Variants in FBXW7 observed in about 807,000 individuals in gnomAD.
FBXW7 encodes F-box and WD repeat domain containing 7.
FBXW7 carries 11 observed loss-of-function variants against 86.3 expected under a neutral mutation model. The observed-to-expected ratio is 0.13, with a 90% CI of 0.08 to 0.21. The LOEUF (loss-of-function observed/expected upper bound fraction) is 0.21, where lower values mean the gene tolerates loss of function less well. FBXW7 is among the 10% of genes least tolerant of loss of function. FBXW7 has a pLI of 1.00. For synonymous variants in FBXW7, 313 were observed against 297.9 expected (o/e 1.05, Z -0.52); for missense variants, 488 against 847.4 (o/e 0.58, Z 5.27).
intron 4 of FBXW7, among the ~76,000 whole-genome samples, chr4:152,403,966 T>C (rs1051962651): frequency 4.6e-5 from 7 of 152,184 alleles, no homozygotes; most frequent in African/African-American, 1.7e-4. Context: ...ATAAATATCT[T>C]CAAAACAAGA....
intron 2 of FBXW7, among the ~76,000 whole-genome samples, chr4:152,453,958 A>G (rs1332085954): frequency 1.3e-5 from 2 of 152,118 alleles, no homozygotes; most frequent in Non-Finnish European, 2.9e-5. Context: ...TTTCCAAGGT[A>G]TTTTAAAGTA....
chr4:152,393,662 T>G (rs1736179533), intron 4 of FBXW7, among the ~76,000 whole-genome samples: 1 of 152,148 alleles, frequency 6.6e-6, no homozygotes. Flanking sequence ...AGCAAATGAA[T>G]AACTGTTGGC....
intron 4 of FBXW7, among the ~76,000 whole-genome samples, chr4:152,361,575 C>A (rs1732945275): frequency 6.6e-6 from 1 of 152,190 alleles, no homozygotes; most frequent in Non-Finnish European, 1.5e-5. Context: ...ATCTTCTCAA[C>A]ATTCTCATAG....
intron 2 of FBXW7, among the ~76,000 whole-genome samples, chr4:152,461,298 A>G (rs1742921712): frequency 1.3e-5 from 2 of 152,130 alleles, no homozygotes; most frequent in Admixed American, 1.3e-4. Context: ...CATTCCAGTT[A>G]CTGATCTCAA....
In FBXW7 at chr4:152,516,766, T is replaced by G. The variant is rs141268601; in HGVS notation, c.-120+18175A>C. Among the ~76,000 whole-genome samples, 40 of 152,344 alleles carry G rather than the reference T, an allele frequency of 2.6e-4. No individual in the cohort carries two copies. The East Asian group carries it at 7.7e-3, about 29-fold the overall frequency. ...TAAAGAAAGTGTAACTTCTAAGAAT[T>G]TATTTCTTCCACCAAGTAGGCACAC... On this transcript the variant is annotated intron_variant, in intron 2 of 13. Coordinates refer to ENST00000281708, the MANE Select transcript of FBXW7 (RefSeq NM_001349798.2).
In FBXW7 at chr4:152,411,680, G is replaced by C. The variant is rs765487207; in HGVS notation, c.124C>G (p.Gln42Glu). The change falls in exon 4 of 14, where the codon CAA becomes GAA. Residue 42 changes from glutamine to glutamate, a missense_variant. Physicochemically the swap from Gln to Glu is conservative, Grantham distance 29 (BLOSUM62 2). This residue lies in a region of FBXW7 where 230 missense variants were observed against 240.0 expected (regional missense o/e 0.96). Transcript: ENST00000281708. ...QMNRVVEEEQ[Q>E]QQLRQQEEEH... Reference sequence around the variant, plus strand: ...TCCTCTTGTTGTCTGAGTTGCTGTTGCTGTTCCTCCTCTACCACACGATTC... The same window carrying C: ...TCCTCTTGTTGTCTGAGTTGCTGTTCCTGTTCCTCCTCTACCACACGATTC... 6.2e-7 allele frequency: 1 copy of C among 1,613,834 alleles called. No individual in the cohort carries two copies. Among genetic ancestry groups the C allele is most frequent in the Non-Finnish European group, 8.5e-7 (1 of 1,179,860 alleles).
At chr4:152,469,481 A>C (rs1050945034) in intron 2 of FBXW7, among the ~76,000 whole-genome samples, 6 of 152,118 alleles carry the variant, frequency 3.9e-5, no homozygotes, top group African/African-American at 1.4e-4. Flanking sequence ...AACAAAGAAT[A>C]ATCTAAACAG....
At chr4:152,354,662 T>C (rs1328347684) in intron 4 of FBXW7, among the ~76,000 whole-genome samples, 1 of 152,130 alleles carries the variant, frequency 6.6e-6, no homozygotes, top group African/African-American at 2.4e-5. Flanking sequence ...TCTCAAAACC[T>C]AAAGAAAATA....
At chr4:152,437,621 G>A (rs1740498486) in intron 2 of FBXW7, among the ~76,000 whole-genome samples, 1 of 152,196 alleles carries the variant, frequency 6.6e-6, no homozygotes, top group Non-Finnish European at 1.5e-5. Flanking sequence ...TGAAAGGATT[G>A]CCTCCAGTTT....
At position 152,320,900 on chromosome 4, in the gene FBXW7, C is replaced by T. The variant is rs577803482; in HGVS notation, c.*1981G>A. On this transcript the variant is annotated 3_prime_UTR_variant, in exon 14 of 14. Transcript: ENST00000281708. The stretch of plus-strand genomic sequence containing the variant: ...GAACAGAAAGTATCGAGGGTAAGCA[C>T]TTAATATGTGGTCAAAATTTCAAAA... The T allele has an allele frequency of 1.3e-5, 2 of 152,212 alleles. No individual in the cohort carries two copies. Among genetic ancestry groups the T allele is most frequent in the African/African-American group, 2.4e-5 (1 of 41,408 alleles). 9.4% of individuals were successfully genotyped at this position (152,212 alleles called of 1,614,324 possible).
intron 4 of FBXW7, among the ~76,000 whole-genome samples, chr4:152,381,290 T>A (rs953629036): frequency 2.6e-5 from 4 of 152,044 alleles, no homozygotes; most frequent in African/African-American, 9.7e-5. Context: ...CCCCTTTAGC[T>A]AAAAGAAAAA....
At chr4:152,513,474 T>C (rs896040287) in intron 2 of FBXW7, among the ~76,000 whole-genome samples, 1 of 152,142 alleles carries the variant, frequency 6.6e-6, no homozygotes, top group Non-Finnish European at 1.5e-5. Context: ...AATACATAAA[T>C]TTAAACAAAG....
intron 2 of FBXW7, among the ~76,000 whole-genome samples, chr4:152,423,695 AC>A (rs1465898195): frequency 1.3e-5 from 2 of 152,208 alleles, no homozygotes; most frequent in Non-Finnish European, 2.9e-5. Context: ...AATTTTACAG[AC>A]ATAATGCTAA....
rs766546173 is a variant in FBXW7 at position 152,455,003 on chromosome 4, GAA to G, written c.-119-42476_-119-42475del. On this transcript the variant is annotated intron_variant, in intron 2 of 13. Coordinates refer to ENST00000281708, the MANE Select transcript of FBXW7 (RefSeq NM_001349798.2). ...GTTTTTAAAAATTATTCTTTTTAAA[GAA>G]AAGTCATCAGGAAATCCAGAAATTA... Among the ~76,000 whole-genome samples, 78 of 151,952 alleles carry G rather than the reference GAA, an allele frequency of 5.1e-4. 1 individual carries two copies. The highest frequency in any genetic ancestry group is 8.1e-4 in the Non-Finnish European group (55 of 67,944).
chr4:152,369,135 G>A (rs1032995570), intron 4 of FBXW7, among the ~76,000 whole-genome samples: 7 of 151,998 alleles, frequency 4.6e-5, no homozygotes, highest in African/African-American at 1.7e-4. Context: ...TATTACATCA[G>A]GAGAATTAAT....
intron 2 of FBXW7, among the ~76,000 whole-genome samples, chr4:152,438,010 A>G (rs990880851): frequency 4.9e-4 from 75 of 152,110 alleles, no homozygotes; most frequent in African/African-American, 1.7e-3. Context: ...CCCGGTCTCT[A>G]CTAAAAATAT....
intron 12 of FBXW7, chr4:152,325,780 A>G (rs1728960908): frequency 2.1e-6 from 1 of 468,162 alleles, no homozygotes; most frequent in Non-Finnish European, 3.8e-6. Context: ...TGCAAAACAA[A>G]TATTTGTATT....
At chr4:152,408,644 G>A (rs1737648936) in intron 4 of FBXW7, among the ~76,000 whole-genome samples, 1 of 152,192 alleles carries the variant, frequency 6.6e-6, no homozygotes, top group South Asian at 2.1e-4. Context: ...CACTTCAAAT[G>A]GGACATAGTA....
chr4:152,354,429 A>T (rs370326028), intron 4 of FBXW7, among the ~76,000 whole-genome samples: 3 of 152,244 alleles, frequency 2.0e-5, no homozygotes, highest in South Asian at 4.1e-4. Flanking sequence ...GGGGGAAAAA[A>T]GGTGATTTTC....
Sources: allele counts gnomAD v4.1 joint callset (sites outside exome capture counted in the v4.1 genomes callset), GRCh38; gene constraint gnomAD v4.1.1; regional missense constraint gnomAD v4.1.1; transcripts MANE v1.5; gene names NCBI Gene and HGNC (gene_info 2026-07-23, HGNC 2026-07-21).